MAN2C1: variants seen among roughly 807,000 people sequenced by gnomAD.
MAN2C1 encodes mannosidase alpha class 2C member 1, also known as alpha-mannosidase 2C1.
Under a neutral mutation model 126.9 loss-of-function variants are expected in MAN2C1, and 111 were observed. The observed-to-expected ratio is 0.87, with a 90% CI of 0.75 to 1.02. The LOEUF (loss-of-function observed/expected upper bound fraction) is 1.02, where lower values mean the gene tolerates loss of function less well. Ranked by LOEUF, MAN2C1 falls within the 50% of genes least tolerant of loss-of-function variation. MAN2C1 has a pLI of 0.00. For synonymous variants in MAN2C1, 567 were observed against 561.5 expected (o/e 1.01, Z -0.14); for missense variants, 1,363 against 1,364.4 (o/e 1.00, Z 0.02).
In MAN2C1 at chr15:75,356,421, T is replaced by C; in HGVS notation, c.2766A>G (p.Gln922=). The change falls in exon 24 of 26, where the codon CAA becomes CAG. Residue 922 remains glutamine, a synonymous_variant. Coordinates refer to ENST00000267978, the MANE Select transcript of MAN2C1 (RefSeq NM_006715.4). The surrounding 1 kb of genome is among the most constrained non-coding windows in gnomAD (Gnocchi z 5.8). The part of the protein sequence containing the change: ...KGSFQDAGVI[Q]AAYSLNFPLL... ...GGGGGAAGTTTAGGCTGTAGGCAGC[T>C]TGGATAACGCCAGCATCCTGGAAAG... is the stretch of plus-strand genomic sequence containing the variant. 1.2e-6 allele frequency: 2 copies of C among 1,607,422 alleles called. No individual in the cohort carries two copies. Among genetic ancestry groups the C allele is most frequent in the African/African-American group, 1.3e-5 (1 of 74,960 alleles).
chr15:75,363,514 G>T lies in MAN2C1; in HGVS notation c.790+485C>A, dbSNP rs138486022. Among the ~76,000 whole-genome samples, 7 of 152,264 alleles carry T rather than the reference G, an allele frequency of 4.6e-5. No individual in the cohort carries two copies. In the East Asian group the frequency reaches 1.4e-3, roughly 29 times the overall value. ...CATGAGGCATCAGATTTTGTTGAAA[G>T]AATAAATGAGGCTGGGCACGGTGGG... On this transcript the variant is annotated intron_variant, in intron 6 of 25. Transcript: ENST00000267978.
chr15:75,362,248 C>A lies in MAN2C1; in HGVS notation c.1008+95G>T, dbSNP rs537773376. ...TGCCACACAGCGGGGATGAGTGGCC[C>A]GTGGAAACTCACCAGCAAAGCCGGG... On this transcript the variant is annotated intron_variant, in intron 8 of 25. Coordinates refer to ENST00000267978, the MANE Select transcript of MAN2C1 (RefSeq NM_006715.4). The surrounding 1 kb of genome is among the most constrained non-coding windows in gnomAD (Gnocchi z 4.5). The A allele has an allele frequency of 9.2e-7, 1 of 1,085,354 alleles. No homozygotes were observed. Among genetic ancestry groups the A allele is most frequent in the Non-Finnish European group, 1.4e-6 (1 of 726,346 alleles). 67.2% of individuals were successfully genotyped at this position (1,085,354 alleles called of 1,614,324 possible). A position where few individuals can be genotyped will look rare whatever the true frequency, so the allele number is the denominator to read the frequency against.
At position 75,361,746 on chromosome 15, in the gene MAN2C1, G is replaced by A; in HGVS notation, c.1102-26C>T. ...CTGTGGAGAAAGAGGATCCTGGAGT[G>A]CAGGAACCAGAGCTCCAGGCGGACT... On this transcript the variant is annotated intron_variant, in intron 9 of 25. Coordinates refer to ENST00000267978, the MANE Select transcript of MAN2C1 (RefSeq NM_006715.4). The surrounding 1 kb of genome is among the most constrained non-coding windows in gnomAD (Gnocchi z 5.0). 6.3e-7 allele frequency: 1 copy of A among 1,594,576 alleles called. No homozygotes were observed. The highest frequency in any genetic ancestry group is 8.6e-7 in the Non-Finnish European group (1 of 1,162,248).
chr15:75,362,084 C>A lies in MAN2C1; in HGVS notation c.1009-137G>T, dbSNP rs1339515007. The stretch of plus-strand genomic sequence containing the variant: ...AGTTACAGCCAGAACTCAGGAAGGG[C>A]CCCTGTCCTTCAGGCCTGACTGTCC... On this transcript the variant is annotated intron_variant, in intron 8 of 25. Transcript: ENST00000267978. This position sits in a 1 kb window ranked among gnomAD's most constrained non-coding sequence, Gnocchi z 4.5. 2.7e-6 allele frequency: 2 copies of A among 729,620 alleles called. No homozygotes were observed. Among genetic ancestry groups the A allele is most frequent in the Non-Finnish European group, 4.7e-6 (2 of 425,982 alleles). 45.2% of individuals were successfully genotyped at this position (729,620 alleles called of 1,614,324 possible). A position where few individuals can be genotyped will look rare whatever the true frequency, so the allele number is the denominator to read the frequency against.
chr15:75,368,038 C>G, intron 2 of MAN2C1, 35 bp downstream of exon 2: 1 of 1,583,566 alleles, frequency 6.3e-7, no homozygotes, highest in Non-Finnish European at 8.6e-7. Flanking sequence ...TTCCCCTAGG[C>G]CTGTGGCCCC....
At chr15:75,368,032 C>T (rs755848927) in intron 2 of MAN2C1, 41 bp downstream of exon 2, 11 of 1,577,174 alleles carry the variant, frequency 7.0e-6, no homozygotes, top group Non-Finnish European at 7.7e-6. Context: ...TGGGACTTCC[C>T]CTAGGCCTGT....
chr15:75,358,334 T>TG lies in MAN2C1; in HGVS notation c.2413dup (p.His805ProfsTer2). The TG allele has an allele frequency of 6.2e-7, 1 of 1,614,100 alleles. No homozygotes were observed. ...CACCTTCAGGAACTTGTGGGCCTCA[T>TG]GCCAGTGTACCTGGGAGTGGGAAGG... On this transcript the variant is annotated frameshift_variant, in exon 21 of 26. Coordinates refer to ENST00000267978, the MANE Select transcript of MAN2C1 (RefSeq NM_006715.4). LOFTEE classifies it high-confidence loss of function.
rs770759805 is a variant in MAN2C1 at position 75,356,591 on chromosome 15, G to A, written c.2737+15C>T. 20 of 1,554,526 alleles carry A rather than the reference G, an allele frequency of 1.3e-5. No homozygotes were observed. The highest frequency in any genetic ancestry group is 5.9e-5 in the South Asian group (5 of 84,716). ...TCTAGGGCTGCAGGAAGGCCCCACC[G>A]TCCCCAGCACTCACCCTTGTGCGGC... On this transcript the variant is annotated intron_variant, in intron 23 of 25. Coordinates refer to ENST00000267978, the MANE Select transcript of MAN2C1 (RefSeq NM_006715.4). This position sits in a 1 kb window ranked among gnomAD's most constrained non-coding sequence, Gnocchi z 5.8.
At chr15:75,367,458 T>C in intron 3 of MAN2C1, 53 bp downstream of exon 3, 1 of 1,596,328 alleles carries the variant, frequency 6.3e-7, no homozygotes, top group Non-Finnish European at 8.5e-7. Flanking sequence ...AGGGCTGTAG[T>C]CATTTCAGGG....
chr15:75,367,474 A>C, intron 3 of MAN2C1, 37 bp downstream of exon 3: 1 of 1,608,922 alleles, frequency 6.2e-7, no homozygotes, highest in Non-Finnish European at 8.5e-7. Context: ...CAGGGCTGAA[A>C]TGTGGCCATA....
rs1595873291 is a variant in MAN2C1 at position 75,356,693 on chromosome 15, G to C, written c.2658-8C>G. 6.2e-7 allele frequency: 1 copy of C among 1,602,934 alleles called. No individual in the cohort carries two copies. Among genetic ancestry groups the C allele is most frequent in the East Asian group, 2.3e-5 (1 of 44,216 alleles). Reference sequence around the variant, plus strand: ...GCTTTAGGCGCCCGCAAGCTGGGGTGAGGAGGGCGCGTAGGGGCCACGCTG... The same window carrying C: ...GCTTTAGGCGCCCGCAAGCTGGGGTCAGGAGGGCGCGTAGGGGCCACGCTG... On this transcript the variant is annotated splice_region_variant and splice_polypyrimidine_tract_variant and intron_variant, in intron 22 of 25. Coordinates refer to ENST00000267978, the MANE Select transcript of MAN2C1 (RefSeq NM_006715.4). This position sits in a 1 kb window ranked among gnomAD's most constrained non-coding sequence, Gnocchi z 5.8.
intron 2 of MAN2C1, 121 bp from the exon 3 acceptor site, chr15:75,367,755 A>C: frequency 7.7e-7 from 1 of 1,298,776 alleles, no homozygotes; most frequent in Admixed American, 2.3e-5. Context: ...CAAGGTACTC[A>C]GCTTTGAGTC....
At chr15:75,360,262 A>G (rs766039925) in intron 13 of MAN2C1, 51 bp from the exon 14 acceptor site, 1 of 1,594,196 alleles carries the variant, frequency 6.3e-7, no homozygotes, top group South Asian at 1.1e-5. Flanking sequence ...CTGTCCCAGG[A>G]CACCTTCCAA....
At chr15:75,368,389 C>T in intron 1 of MAN2C1, 94 bp downstream of exon 1, 1 of 1,430,596 alleles carries the variant, frequency 7.0e-7, no homozygotes, top group Non-Finnish European at 9.5e-7. Flanking sequence ...CTTTGTCCCG[C>T]GGCCCGGGTG....
rs1449010841 is a variant in MAN2C1, at chr15:75,368,532, C to G, written c.52G>C (p.Glu18Gln). ...KHWRTTLERV[E>Q]KFVSPLYFTD... ...AAGTAGAGCGGCGACACGAACTTCT[C>G]CACCCGCTCCAGCGTGGTGCGCCAG... The change falls in exon 1 of 26, where the codon GAG becomes CAG. Residue 18 changes from glutamate to glutamine, a missense_variant. Physicochemically the swap from Glu to Gln is conservative, Grantham distance 29. Around this residue, in one of 3 missense-constraint regions of MAN2C1, gnomAD observed 628 missense variants for 609.8 expected, o/e 1.03. Coordinates refer to ENST00000267978, the MANE Select transcript of MAN2C1 (RefSeq NM_006715.4). 1.3e-6 allele frequency: 2 copies of G among 1,555,036 alleles called. No individual in the cohort carries two copies. The highest frequency in any genetic ancestry group is 2.7e-5 in the African/African-American group (2 of 73,332).
intron 1 of MAN2C1, 39 bp downstream of exon 1, chr15:75,368,444 G>T (rs761757601): frequency 1.3e-6 from 2 of 1,526,458 alleles, no homozygotes; most frequent in South Asian, 1.2e-5. Context: ...TGAGGCGCAC[G>T]GTTGCGGTCG....
intron 21 of MAN2C1, chr15:75,357,115 A>G (rs2072339069): frequency 5.2e-6 from 3 of 573,706 alleles, no homozygotes; most frequent in African/African-American, 1.9e-5. Context: ...TACTCACCCC[A>G]TCGAATGATC....
Position 75,356,746 on chromosome 15 carries a change from C to T in MAN2C1, c.2657+47G>A, listed in dbSNP as rs773045287. 6.2e-7 allele frequency: 1 copy of T among 1,612,680 alleles called. No homozygotes were observed. The highest frequency in any genetic ancestry group is 1.1e-5 in the South Asian group (1 of 91,068). On this transcript the variant is annotated intron_variant, in intron 22 of 25. Transcript: ENST00000267978. This position sits in a 1 kb window ranked among gnomAD's most constrained non-coding sequence, Gnocchi z 5.8. Reference sequence around the variant, plus strand: ...GCTGTTGGAGTTGTGGTCGGGAAGACCCATTTCTCCATGCCAGCTCCCAGG... The same window carrying T: ...GCTGTTGGAGTTGTGGTCGGGAAGATCCATTTCTCCATGCCAGCTCCCAGG...
rs1376773232 is a variant in MAN2C1 at position 75,361,391 on chromosome 15, G to A, written c.1219-10C>T. On this transcript the variant is annotated splice_polypyrimidine_tract_variant and intron_variant, in intron 10 of 25. Transcript: ENST00000267978. This position sits in a 1 kb window ranked among gnomAD's most constrained non-coding sequence, Gnocchi z 5.0. ...AGAAAAATGTATGGTGCTACCAGCA[G>A]GGAAACAGAAGCAGGGCAGAGAGGC... 2 of 1,557,900 alleles carry A rather than the reference G, an allele frequency of 1.3e-6. No individual in the cohort carries two copies.
Sources: allele counts gnomAD v4.1 joint callset (sites outside exome capture counted in the v4.1 genomes callset), GRCh38; gene constraint gnomAD v4.1.1; regional missense constraint gnomAD v4.1.1; non-coding constraint Gnocchi (gnomAD v3.1); transcripts MANE v1.5; gene names NCBI Gene and HGNC (gene_info 2026-07-23, HGNC 2026-07-21).